GALNT8: variants seen among roughly 807,000 people sequenced by gnomAD.
GALNT8 encodes the protein probable polypeptide N-acetylgalactosaminyltransferase 8.
A neutral mutation model predicts 62.7 loss-of-function variants in GALNT8; 66 were observed. The observed-to-expected ratio is 1.05, with a 90% CI of 0.86 to 1.29. GALNT8 has a LOEUF of 1.29. GALNT8 is among the 50% of genes most tolerant of loss of function. The probability of loss-of-function intolerance (pLI) is 0.00; values close to 1 mark genes in which losing one functional copy is unlikely to be tolerated. For missense variants in GALNT8, 771 were observed against 791.8 expected, an observed-to-expected ratio of 0.97 and a Z score of 0.32; for synonymous variants, 288 against 294.3, an observed-to-expected ratio of 0.98 and a Z score of 0.22.
In GALNT8 at chr12:4,769,314, A is replaced by T. The variant is rs369924398; in HGVS notation, c.1762-3131A>T. On this transcript the variant is annotated intron_variant, in intron 10 of 10. Transcript: ENST00000252318. The stretch of plus-strand genomic sequence containing the variant: ...GCATGGAGACTGGCACGGCTCCAGA[A>T]GCAACTTGCCCACGTGTAGGAAAAC... Among the ~76,000 whole-genome samples the T allele has an allele frequency of 3.3e-5, 5 of 152,328 alleles. No homozygotes were observed. In the South Asian group the frequency reaches 1.0e-3, roughly 32 times the overall value.
At chr12:4,763,164 A>G (rs1186709465) in intron 7 of GALNT8, 89 bp from the exon 8 acceptor site, 2 of 1,055,860 alleles carry the variant, frequency 1.9e-6, no homozygotes, top group Non-Finnish European at 2.9e-6. Context: ...ACATGCAGAA[A>G]TATGGAGTCC....
chr12:4,767,382 A>G (rs1295219429), intron 10 of GALNT8, among the ~76,000 whole-genome samples: 1 of 152,218 alleles, frequency 6.6e-6, no homozygotes, highest in Non-Finnish European at 1.5e-5. Flanking sequence ...CACTCAACAA[A>G]TGGTTGCAGA....
intron 6 of GALNT8, among the ~76,000 whole-genome samples, chr12:4,758,309 T>A (rs980323721): frequency 3.3e-5 from 5 of 152,122 alleles, no homozygotes; most frequent in African/African-American, 9.7e-5. Flanking sequence ...ATGACAGGGA[T>A]GGTGCTCATC....
intron 6 of GALNT8, among the ~76,000 whole-genome samples, chr12:4,758,977 T>C (rs137972434): frequency 0.03 from 4,596 of 152,122 alleles, 234 homozygotes; most frequent in African/African-American, 0.11. Flanking sequence ...GGTTTCACCA[T>C]GTTGGCCAGG....
At chr12:4,746,642 G>A (rs1343326769) in intron 6 of GALNT8, among the ~76,000 whole-genome samples, 2 of 152,188 alleles carry the variant, frequency 1.3e-5, no homozygotes, top group African/African-American at 2.4e-5. Context: ...GAATGCAGAC[G>A]TGTGGGCAGC....
At position 4,763,950 on chromosome 12, in the gene GALNT8, A is replaced by G; in HGVS notation, c.1498-2A>G. 2.7e-6 allele frequency: 4 copies of G among 1,499,870 alleles called. No homozygotes were observed. The highest frequency in any genetic ancestry group is 3.7e-6 in the Non-Finnish European group (4 of 1,074,966). 92.9% of individuals were successfully genotyped at this position (1,499,870 alleles called of 1,614,324 possible). A position where few individuals can be genotyped will look rare whatever the true frequency, so the allele number is the denominator to read the frequency against. ...TGTTGCCGTGTGTTTTGTCCCCTTC[A>G]GATGAAAAACCTATTGGATGAAAAT... On this transcript the variant is annotated splice_acceptor_variant, in intron 8 of 10. Transcript: ENST00000252318. LOFTEE classifies it high-confidence loss of function.
At chr12:4,755,492 C>G (rs981529690) in intron 6 of GALNT8, among the ~76,000 whole-genome samples, 1 of 152,176 alleles carries the variant, frequency 6.6e-6, no homozygotes, top group Admixed American at 6.5e-5. Flanking sequence ...ATCAGTGATT[C>G]GCTACTGTCC....
intron 2 of GALNT8, among the ~76,000 whole-genome samples, chr12:4,728,247 TTATA>T (rs1214267558): frequency 1.3e-5 from 2 of 152,064 alleles, no homozygotes; most frequent in African/African-American, 4.8e-5. Context: ...GCAGAGTACT[TTATA>T]TATCCTAGAT....
At position 4,737,150 on chromosome 12, in the gene GALNT8, A is replaced by G. The variant is rs537706009; in HGVS notation, c.510-2013A>G. ...GAAGTCCCCACTGTATCCTAACAAC[A>G]AGTAAAAAGCTGAAAAAATGGAAAA... On this transcript the variant is annotated intron_variant, in intron 2 of 10. Transcript: ENST00000252318. Among the ~76,000 whole-genome samples, 32 of 152,348 alleles carry G rather than the reference A, an allele frequency of 2.1e-4. No homozygotes were observed. In the South Asian group the frequency reaches 2.9e-3, roughly 14 times the overall value.
Position 4,746,065 on chromosome 12 carries a change from C to G in GALNT8, c.1059-79C>G, listed in dbSNP as rs1486101688. ...ACAGACTTAGGTAGAGTTCTGAAGC[C>G]CAAATAATCATTGAGCATCCCACCC... On this transcript the variant is annotated intron_variant, in intron 5 of 10. Transcript: ENST00000252318. 3 of 805,204 alleles carry G rather than the reference C, an allele frequency of 3.7e-6. No individual in the cohort carries two copies. The East Asian group carries it at 7.5e-5, about 20-fold the overall frequency. The allele number at this position is 805,204 out of a possible 1,614,324, so 49.9% of individuals were successfully genotyped here. A position where few individuals can be genotyped will look rare whatever the true frequency, so the allele number is the denominator to read the frequency against.
chr12:4,765,292 C>T, intron 9 of GALNT8, 87 bp from the exon 10 acceptor site: 1 of 1,283,332 alleles, frequency 7.8e-7, no homozygotes, highest in Non-Finnish European at 1.0e-6. Context: ...GATCATTCTT[C>T]CTGCTGTCCC....
chr12:4,735,399 T>C (rs187874943), intron 2 of GALNT8, among the ~76,000 whole-genome samples: 1,659 of 144,220 alleles, frequency 0.012, 26 homozygotes, highest in African/African-American at 0.038. Flanking sequence ...CTCAAGGTTA[T>C]CTGCTCTGGT....
intron 3 of GALNT8, among the ~76,000 whole-genome samples, chr12:4,739,671 C>CTT (rs1226244189): frequency 7.6e-6 from 1 of 130,918 alleles, no homozygotes. Flanking sequence ...TTTTCTTTTT[C>CTT]TTTTTTTTTT....
Position 4,744,611 on chromosome 12 carries a change from T to A in GALNT8, c.771T>A (p.Gly257=). The A allele has an allele frequency of 6.2e-7, 1 of 1,613,656 alleles. No homozygotes were observed. The highest frequency in any genetic ancestry group is 8.5e-7 in the Non-Finnish European group (1 of 1,179,624). ...TAATACGGCATCCTGAAAGGAAAGGTCTTGCTCAAGCCCGCAACACTGGCT... is the reference window on the plus strand; with the variant it reads ...TAATACGGCATCCTGAAAGGAAAGGACTTGCTCAAGCCCGCAACACTGGCT... ...LKIIRHPERK[G]LAQARNTGWE... The change falls in exon 4 of 11, where the codon GGT becomes GGA. Residue 257 remains glycine, a synonymous_variant. Transcript: ENST00000252318.
intron 10 of GALNT8, among the ~76,000 whole-genome samples, chr12:4,766,156 G>A (rs1392948035): frequency 1.3e-5 from 2 of 152,322 alleles, no homozygotes; most frequent in Middle Eastern, 3.4e-3. Flanking sequence ...TTGTGGCCCC[G>A]TGTAGGGAAA....
intron 2 of GALNT8, among the ~76,000 whole-genome samples, 182 bp downstream of exon 2, chr12:4,727,011 C>T (rs1362086795): frequency 1.3e-5 from 2 of 152,080 alleles, no homozygotes; most frequent in African/African-American, 4.8e-5. Flanking sequence ...CCAACTGATC[C>T]AAATATTTAC....
chr12:4,760,460 C>G (rs1366986493), intron 6 of GALNT8, among the ~76,000 whole-genome samples: 2 of 152,164 alleles, frequency 1.3e-5, no homozygotes, highest in Non-Finnish European at 2.9e-5. Context: ...TTGCCATATT[C>G]TGTTGGTTAG....
chr12:4,725,809 C>T (rs1946192750), intron 1 of GALNT8, among the ~76,000 whole-genome samples: 1 of 152,164 alleles, frequency 6.6e-6, no homozygotes, highest in African/African-American at 2.4e-5. Context: ...CCACCTCGGC[C>T]TCCCAAAGTG....
intron 2 of GALNT8, among the ~76,000 whole-genome samples, chr12:4,737,724 C>T (rs190401838): frequency 6.6e-6 from 1 of 152,282 alleles, no homozygotes; most frequent in East Asian, 1.9e-4. Context: ...AGGCTCTGCT[C>T]TGGTGAATAG....
Sources: allele counts gnomAD v4.1 joint callset (sites outside exome capture counted in the v4.1 genomes callset), GRCh38; gene constraint gnomAD v4.1.1; transcripts MANE v1.5; gene names NCBI Gene and HGNC (gene_info 2026-07-23, HGNC 2026-07-21).